Variants in DDX20 observed in about 807,000 individuals in gnomAD.
DDX20 encodes the protein probable ATP-dependent RNA helicase DDX20.
Under a neutral mutation model 76.4 loss-of-function variants are expected in DDX20, and 61 were observed. The ratio of observed to expected loss-of-function variants is 0.80; its 90% CI spans 0.65 to 0.99. The LOEUF is 0.99. DDX20 is among the 50% of genes least tolerant of loss of function. The pLI, the probability that DDX20 is intolerant of heterozygous loss-of-function variation, is 0.00. For missense variants in DDX20, 976 were observed against 996.8 expected (o/e 0.98, Z 0.28); for synonymous variants, 357 against 357.4 (o/e 1.00, Z 0.01).
Position 111,756,612 on chromosome 1 carries a change from A to T in DDX20, c.302-34A>T, listed in dbSNP as rs1462270583. On this transcript the variant is annotated intron_variant, in intron 1 of 10. Transcript: ENST00000369702. ...TAGCCCCTAAGTTGCTTCAGTGAGTACTGGCTAGTGATAATTGTTTTTTTC... is the reference window on the plus strand; with the variant it reads ...TAGCCCCTAAGTTGCTTCAGTGAGTTCTGGCTAGTGATAATTGTTTTTTTC... 3 of 1,592,960 alleles carry T rather than the reference A, an allele frequency of 1.9e-6. No individual in the cohort carries two copies. The African/African-American group carries it at 4.0e-5, about 21-fold the overall frequency.
intron 10 of DDX20, among the ~76,000 whole-genome samples, chr1:111,763,310 G>A (rs770061711): frequency 1.3e-5 from 2 of 152,162 alleles, no homozygotes; most frequent in East Asian, 1.9e-4. Flanking sequence ...AGTGGCTCAC[G>A]CCTGTAATCC....
Position 111,766,785 on chromosome 1 carries a change from T to A in DDX20, c.2361T>A (p.Tyr787Ter), listed in dbSNP as rs1470840822. The A allele has an allele frequency of 6.2e-7, 1 of 1,614,180 alleles. No individual in the cohort carries two copies. Among genetic ancestry groups the A allele is most frequent in the South Asian group, 1.1e-5 (1 of 91,090 alleles). The change falls in exon 11 of 11, where the codon TAT becomes TAA. Residue 787 changes from tyrosine (Y) to a stop codon, truncating the protein, a stop_gained. Coordinates refer to ENST00000369702, the MANE Select transcript of DDX20 (RefSeq NM_007204.5). LOFTEE classifies it high-confidence loss of function. ...CTTACTACAGGGCATGGCAAGAATA[T>A]TATGCTGCCGCTTCTCATTCATATT... ...WRAYYRAWQE[Y>*]YAAASHSYYW...
At position 111,763,004 on chromosome 1, in the gene DDX20, C is replaced by T. The variant is rs750085118; in HGVS notation, c.1309C>T (p.Pro437Ser). Reference protein sequence around the residue: ...QKCNINLLPLPDPIPSGLMEE... With the variant: ...QKCNINLLPLSDPIPSGLMEE... Reference sequence around the variant, plus strand: ...ATGTAATATCAACCTTCTCCCTTTACCAGGTACATTTCATCTGTTTCATTA... The same window carrying T: ...ATGTAATATCAACCTTCTCCCTTTATCAGGTACATTTCATCTGTTTCATTA... Residue 437 changes from proline to serine, a missense_variant, in exon 10 of 11, where the codon CCA (proline) becomes TCA (serine). Coordinates refer to ENST00000369702, the MANE Select transcript of DDX20 (RefSeq NM_007204.5). The T allele has an allele frequency of 1.9e-6, 3 of 1,603,660 alleles. No homozygotes were observed. Among genetic ancestry groups the T allele is most frequent in the South Asian group, 2.2e-5 (2 of 90,664 alleles).
At position 111,756,650 on chromosome 1, in the gene DDX20, A is replaced by G. The variant is rs368042774; in HGVS notation, c.306A>G (p.Leu102=). ...AIPLGRCGLD[L]IVQAKSGTGK... Reference sequence around the variant, plus strand: ...AATTGTTTTTTTCCTTCGCAGATTTAATTGTTCAAGCTAAATCTGGCACCG... The same window carrying G: ...AATTGTTTTTTTCCTTCGCAGATTTGATTGTTCAAGCTAAATCTGGCACCG... The change falls in exon 2 of 11, where the codon TTA becomes TTG. Residue 102 remains leucine, a synonymous_variant. Coordinates refer to ENST00000369702, the MANE Select transcript of DDX20 (RefSeq NM_007204.5). 5.0e-6 allele frequency: 8 copies of G among 1,613,886 alleles called. No homozygotes were observed. Among genetic ancestry groups the G allele is most frequent in the Admixed American group, 1.7e-5 (1 of 60,010 alleles).
At chr1:111,761,713 G>T (rs1035188012) in intron 7 of DDX20, 1 of 155,086 alleles carries the variant, frequency 6.4e-6, no homozygotes, top group African/African-American at 2.4e-5. Flanking sequence ...AGTTCTTGCT[G>T]CAAAGTTAAA....
At position 111,766,336 on chromosome 1, in the gene DDX20, CAGAG is replaced by C; in HGVS notation, c.1915_1918del (p.Arg639SerfsTer43). ...TTTTGTGAGAAATAAAGTTATTGAA[CAGAG>C]AGTCCCTGTGTTGGCAAGTAGTAGC... is the stretch of plus-strand genomic sequence containing the variant. On this transcript the variant is annotated frameshift_variant, in exon 11 of 11. Coordinates refer to ENST00000369702, the MANE Select transcript of DDX20 (RefSeq NM_007204.5). LOFTEE classifies it high-confidence loss of function. The C allele has an allele frequency of 6.2e-7, 1 of 1,614,126 alleles. No homozygotes were observed. Among genetic ancestry groups the C allele is most frequent in the South Asian group, 1.1e-5 (1 of 91,084 alleles).
At position 111,766,527 on chromosome 1, in the gene DDX20, T is replaced by C; in HGVS notation, c.2103T>C (p.Asn701=). The change falls in exon 11 of 11, where the codon AAT becomes AAC. Residue 701 remains asparagine (N), a synonymous_variant. Coordinates refer to ENST00000369702, the MANE Select transcript of DDX20 (RefSeq NM_007204.5). ...GTATTTCTTTGGAACAACCACCAAA[T>C]GGAAGTGACACCCCCAATCCAGAGA... is the stretch of plus-strand genomic sequence containing the variant. ...DDRISLEQPP[N]GSDTPNPEKY... The C allele has an allele frequency of 3.7e-6, 6 of 1,614,108 alleles. No individual in the cohort carries two copies. Among genetic ancestry groups the C allele is most frequent in the Non-Finnish European group, 5.1e-6 (6 of 1,179,988 alleles).
In DDX20 at chr1:111,766,303, C is replaced by G. The variant is rs1663777803; in HGVS notation, c.1879C>G (p.Gln627Glu). 1 of 1,614,130 alleles carries G rather than the reference C, an allele frequency of 6.2e-7. No homozygotes were observed. Among genetic ancestry groups the G allele is most frequent in the African/African-American group, 1.3e-5 (1 of 75,032 alleles). ...CCCTGGGGATCAGACTGTGAATCCT[C>G]AAAATGGTTTTGTGAGAAATAAAGT... ...TGPGDQTVNP[Q>E]NGFVRNKVIE... Residue 627 changes from glutamine (Q) to glutamate (E), a missense_variant, in exon 11 of 11, where the codon CAA becomes GAA. By Grantham distance (29) the Gln-to-Glu change is conservative (BLOSUM62 2). Transcript: ENST00000369702.
rs1462330675 is a variant in DDX20, at chr1:111,759,424, G to T, written c.421G>T (p.Glu141Ter). Residue 141 changes from glutamate (E) to a stop codon, truncating the protein, a stop_gained, in exon 3 of 11, where the codon GAA (glutamate) becomes TAA (stop). Coordinates refer to ENST00000369702, the MANE Select transcript of DDX20 (RefSeq NM_007204.5). LOFTEE classifies it high-confidence loss of function. Reference protein sequence around the residue: ...TQILILAPTREIAVQIHSVIT... With the variant: ...TQILILAPTR ...GATTTTGATCTTGGCTCCTACAAGA[G>T]AAATTGCTGTACAGATACATTCTGT... is the stretch of plus-strand genomic sequence containing the variant. The T allele has an allele frequency of 6.2e-7, 1 of 1,601,064 alleles. No homozygotes were observed. The highest frequency in any genetic ancestry group is 8.5e-7 in the Non-Finnish European group (1 of 1,175,980).
At position 111,759,892 on chromosome 1, in the gene DDX20, T is replaced by C. The variant is rs181140541; in HGVS notation, c.565+324T>C. Among the ~76,000 whole-genome samples, 769 of 143,966 alleles carry C rather than the reference T, an allele frequency of 5.3e-3. 12 individuals carry two copies. Among genetic ancestry groups the C allele is most frequent in the African/African-American group, 0.019 (717 of 38,478 alleles). 94.4% of individuals were successfully genotyped at this position (143,966 alleles called of 152,430 possible). ...GGGAGGCTGAGGCAGGAGAATGGCG[T>C]GAACCCGGGAGGCGGAGCTTGCAGT... On this transcript the variant is annotated intron_variant, in intron 3 of 10. Transcript: ENST00000369702.
At position 111,766,070 on chromosome 1, in the gene DDX20, C is replaced by G. The variant is rs572883097; in HGVS notation, c.1646C>G (p.Ser549Cys). ...CAATCCGAAGAGCAAATGAAGAATT[C>G]TGTTCAGACTCCCGTTGAAAACTCC... ...DRQSEEQMKN[S>C]VQTPVENSTN... Residue 549 changes from serine (S) to cysteine (C), a missense_variant, in exon 11 of 11, where the codon TCT becomes TGT. Around this residue, in one of 3 missense-constraint regions of DDX20, gnomAD observed 630 missense variants for 693.7 expected, o/e 0.91. Coordinates refer to ENST00000369702, the MANE Select transcript of DDX20 (RefSeq NM_007204.5). 6.2e-6 allele frequency: 10 copies of G among 1,614,188 alleles called. No individual in the cohort carries two copies. In the African/African-American group the frequency reaches 1.1e-4, roughly 17 times the overall value.
intron 1 of DDX20, 53 bp downstream of exon 1, chr1:111,756,278 C>A: frequency 7.4e-7 from 1 of 1,351,632 alleles, no homozygotes; most frequent in Non-Finnish European, 9.5e-7. Flanking sequence ...GAAGGGGGAC[C>A]GACGGGCGGC....
At chr1:111,758,704 A>G (rs537133059) in intron 2 of DDX20, among the ~76,000 whole-genome samples, 1 of 152,234 alleles carries the variant, frequency 6.6e-6, no homozygotes, top group Admixed American at 6.5e-5. Context: ...AGGAGGTTTC[A>G]TGATCACCTC....
At chr1:111,762,379 A>G in intron 8 of DDX20, 42 bp downstream of exon 8, 1 of 1,446,996 alleles carries the variant, frequency 6.9e-7, no homozygotes. Context: ...CCATCTTGAC[A>G]TATGTTCTAT....
intron 8 of DDX20, 169 bp downstream of exon 8, chr1:111,762,506 G>T (rs1276720746): frequency 3.7e-6 from 3 of 817,090 alleles, no homozygotes; most frequent in African/African-American, 1.7e-5. Flanking sequence ...TCTTTAATAT[G>T]TTTATCTTTG....
rs1663768328 is a variant in DDX20 at position 111,765,928 on chromosome 1, T to C, written c.1504T>C (p.Ser502Pro). 1.9e-6 allele frequency: 3 copies of C among 1,613,676 alleles called. No homozygotes were observed. The highest frequency in any genetic ancestry group is 2.5e-6 in the Non-Finnish European group (3 of 1,179,926). ...GGCTTCCTCTAGAAATAATTCTGTA[T>C]CTGGACTATCAGTCAAATCAAAAAA... ...HMASSRNNSV[S>P]GLSVKSKNNT... Residue 502 changes from serine (S) to proline (P), a missense_variant, in exon 11 of 11, where the codon TCT (serine) becomes CCT (proline). Physicochemically the swap from Ser to Pro is moderately conservative, Grantham distance 74 (BLOSUM62 -1). Coordinates refer to ENST00000369702, the MANE Select transcript of DDX20 (RefSeq NM_007204.5).
intron 10 of DDX20, among the ~76,000 whole-genome samples, chr1:111,763,404 T>C (rs1663713708): frequency 6.6e-6 from 1 of 152,126 alleles, no homozygotes; most frequent in African/African-American, 2.4e-5. Flanking sequence ...AAACCTCTTC[T>C]CTACTAAAAA....
rs779260289 is a variant in DDX20 at position 111,759,578 on chromosome 1, C to G, written c.565+10C>G. ...GCTGTTGGATCTCCTGGTAAGATAA[C>G]AATGCCTGTTGGTAACCAGGGCTTT... On this transcript the variant is annotated intron_variant, in intron 3 of 10. Transcript: ENST00000369702. 6.2e-7 allele frequency: 1 copy of G among 1,609,174 alleles called. No homozygotes were observed. The highest frequency in any genetic ancestry group is 8.5e-7 in the Non-Finnish European group (1 of 1,178,188).
intron 7 of DDX20, chr1:111,761,573 A>C (rs1485897710): frequency 4.1e-6 from 1 of 242,824 alleles, no homozygotes; most frequent in African/African-American, 2.2e-5. Context: ...TATAAAACCA[A>C]GTTTGTCTGT....
Sources: allele counts gnomAD v4.1 joint callset (sites outside exome capture counted in the v4.1 genomes callset), GRCh38; gene constraint gnomAD v4.1.1; regional missense constraint gnomAD v4.1.1; transcripts MANE v1.5; gene names NCBI Gene and HGNC (gene_info 2026-07-23, HGNC 2026-07-21).